FAM149A: variants seen among roughly 807,000 people sequenced by gnomAD.
The protein encoded by FAM149A is family with sequence similarity 149 member A, also known as protein FAM149A.
Under a neutral mutation model 78.2 loss-of-function variants are expected in FAM149A, and 71 were observed. That is an observed-to-expected ratio of 0.91 (90% CI 0.75 to 1.11). The LOEUF is 1.11. FAM149A is among the 50% of genes least tolerant of loss of function. FAM149A has a pLI of 0.00. For missense variants in FAM149A, 1,036 were observed against 971.0 expected (o/e 1.07, Z -0.89); for synonymous variants, 446 against 410.5 (o/e 1.09, Z -1.04).
chr4:186,122,397 T>G (rs1014612048), intron 1 of FAM149A, among the ~76,000 whole-genome samples: 5 of 152,194 alleles, frequency 3.3e-5, no homozygotes, highest in African/African-American at 1.2e-4. Flanking sequence ...AAGAGAATAT[T>G]GGAGTGAGTA....
Position 186,104,890 on chromosome 4 carries a change from G to A in FAM149A, c.-187G>A, listed in dbSNP as rs559925250. ...GCCGGGGCGCTCGGCGGACGGACCC[G>A]GGCCGGGGAAGGGCGACCCCAGCGG... On this transcript the variant is annotated 5_prime_UTR_variant, in exon 1 of 14. Transcript: ENST00000389354. 2.4e-5 allele frequency: 22 copies of A among 900,498 alleles called. No homozygotes were observed. The Admixed American group carries it at 4.9e-4, about 20-fold the overall frequency. The allele number at this position is 900,498 out of a possible 1,614,324, so 55.8% of individuals were successfully genotyped here.
chr4:186,120,940 G>A (rs1219116156), intron 1 of FAM149A, among the ~76,000 whole-genome samples: 5 of 124,606 alleles, frequency 4.0e-5, no homozygotes, highest in Non-Finnish European at 6.3e-5. Context: ...TGCAAGCTCC[G>A]CCTCCCGGAT....
intron 1 of FAM149A, chr4:186,116,396 A>G: frequency 1.1e-5 from 10 of 914,272 alleles, no homozygotes; most frequent in Non-Finnish European, 1.3e-5. Flanking sequence ...AGCTGTTCCT[A>G]TTTGGCCATC....
At chr4:186,138,520 C>T (rs1414707824) in intron 1 of FAM149A, among the ~76,000 whole-genome samples, 1 of 152,172 alleles carries the variant, frequency 6.6e-6, no homozygotes, top group African/African-American at 2.4e-5. Flanking sequence ...TCCCCAGTGC[C>T]CTTCCTCTCC....
chr4:186,112,250 T>C (rs1023621838), intron 1 of FAM149A, among the ~76,000 whole-genome samples: 2 of 151,316 alleles, frequency 1.3e-5, no homozygotes, highest in African/African-American at 4.9e-5. Context: ...TGATTTTGTA[T>C]CCTGAGACTT....
chr4:186,135,328 T>G (rs1036279918), intron 1 of FAM149A, among the ~76,000 whole-genome samples: 1 of 152,182 alleles, frequency 6.6e-6, no homozygotes, highest in Admixed American at 6.5e-5. Context: ...TCTTGAAATT[T>G]AGTAAGAGAT....
Position 186,105,113 on chromosome 4 carries a change from G to C in FAM149A, c.37G>C (p.Ala13Pro). ...TGTGCTGGACCTTGGGTCTCTCTTG[G>C]CCAAACTCTTCGAGACCTCGACGGC... The change falls in exon 1 of 14, where the codon GCC becomes CCC. Residue 13 changes from alanine (A) to proline (P), a missense_variant. Physicochemically the swap from Ala to Pro is conservative, Grantham distance 27. Coordinates refer to ENST00000389354, the MANE Select transcript of FAM149A (RefSeq NM_001367768.3). The C allele has an allele frequency of 7.8e-7, 1 of 1,281,726 alleles. No individual in the cohort carries two copies. The allele number at this position is 1,281,726 out of a possible 1,614,324, so 79.4% of individuals were successfully genotyped here.
chr4:186,108,685 C>G lies in FAM149A; in HGVS notation c.566+3043C>G, dbSNP rs150891440. Among the ~76,000 whole-genome samples, 267 of 152,122 alleles carry G rather than the reference C, an allele frequency of 1.8e-3. 1 individual carries two copies. The highest frequency in any genetic ancestry group is 0.01 in the Middle Eastern group (3 of 294). ...CCTCACTTTCCTGCATCCCTGGATACGTGATCCAACACCTTTGATCTTCAC... is the reference window on the plus strand; with the variant it reads ...CCTCACTTTCCTGCATCCCTGGATAGGTGATCCAACACCTTTGATCTTCAC... On this transcript the variant is annotated intron_variant, in intron 1 of 13. Coordinates refer to ENST00000389354, the MANE Select transcript of FAM149A (RefSeq NM_001367768.3).
rs367889202 is a variant in FAM149A at position 186,153,747 on chromosome 4, C to T, written c.1035C>T (p.Cys345=). ...TCCACAGACCCCCGCTCAGTGCCTG[C>T]GGACACAGCAGCAACATCAGAGAGT... Residue 345 remains cysteine (C), a synonymous_variant, in exon 5 of 14, where the codon TGC becomes TGT. Transcript: ENST00000389354. The T allele has an allele frequency of 6.8e-6, 11 of 1,610,840 alleles. No individual in the cohort carries two copies. Among genetic ancestry groups the T allele is most frequent in the Admixed American group, 6.7e-5 (4 of 59,944 alleles).
intron 1 of FAM149A, among the ~76,000 whole-genome samples, chr4:186,139,970 T>G (rs1397645402): frequency 2.6e-5 from 4 of 151,884 alleles, no homozygotes. Flanking sequence ...GGTTTAATAC[T>G]CCACCTAACA....
At position 186,134,252 on chromosome 4, in the gene FAM149A, G is replaced by A. The variant is rs550558645; in HGVS notation, c.567-14921G>A. ...GCATCGTGCGATGCTGTTGAAGATA[G>A]ACACATCCCAGCCTCAGAGATTAAA... On this transcript the variant is annotated intron_variant, in intron 1 of 13. Coordinates refer to ENST00000389354, the MANE Select transcript of FAM149A (RefSeq NM_001367768.3). 3.9e-5 allele frequency among the ~76,000 whole-genome samples: 6 copies of A among 152,296 alleles called. No homozygotes were observed. In the East Asian group the frequency reaches 1.2e-3, roughly 29 times the overall value.
intron 11 of FAM149A, among the ~76,000 whole-genome samples, 199 bp downstream of exon 11, chr4:186,165,663 G>A (rs1303068515): frequency 2.0e-5 from 3 of 152,178 alleles, no homozygotes; most frequent in East Asian, 1.9e-4. Context: ...TTAATTCACC[G>A]TTTTGTGAAA....
intron 1 of FAM149A, among the ~76,000 whole-genome samples, chr4:186,148,861 A>G (rs982154123): frequency 2.0e-5 from 3 of 152,134 alleles, no homozygotes; most frequent in African/African-American, 7.2e-5. Flanking sequence ...GTTTGGGGCA[A>G]CTTTTCCTTC....
chr4:186,152,745 C>T (rs1579889010), intron 4 of FAM149A, among the ~76,000 whole-genome samples: 1 of 151,646 alleles, frequency 6.6e-6, no homozygotes. Flanking sequence ...GGGGTTTCAC[C>T]GTGTTAGCCA....
intron 1 of FAM149A, chr4:186,126,095 G>C: frequency 2.0e-6 from 2 of 985,250 alleles, no homozygotes; most frequent in South Asian, 9.4e-5. Flanking sequence ...TCCAATATTT[G>C]AAAATTATTT....
Position 186,130,263 on chromosome 4 carries a change from ATCTCTCTCTC to A in FAM149A, c.567-18888_567-18879del, listed in dbSNP as rs150724097. On this transcript the variant is annotated intron_variant, in intron 1 of 13. Coordinates refer to ENST00000389354, the MANE Select transcript of FAM149A (RefSeq NM_001367768.3). ...GGAATCTAAAATTGGACTTTATGAA[ATCTCTCTCTC>A]TCTCTCTCTCTCTCTCTCTCTATAT... is the stretch of plus-strand genomic sequence containing the variant. The A allele has an allele frequency of 4.5e-5, 3 of 67,112 alleles. No individual in the cohort carries two copies. In the South Asian group the frequency reaches 2.2e-3, roughly 49 times the overall value. The allele number at this position is 67,112 out of a possible 1,614,324, so 4.2% of individuals were successfully genotyped here. A position where few individuals can be genotyped will look rare whatever the true frequency, so the allele number is the denominator to read the frequency against.
At chr4:186,124,175 C>T in intron 1 of FAM149A, 1 of 985,154 alleles carries the variant, frequency 1.0e-6, no homozygotes, top group Non-Finnish European at 1.2e-6. Context: ...GTAGGAAATG[C>T]AAAGGCACTA....
intron 8 of FAM149A, among the ~76,000 whole-genome samples, chr4:186,160,613 A>G (rs1287347194): frequency 6.8e-6 from 1 of 148,038 alleles, no homozygotes; most frequent in African/African-American, 2.5e-5. Flanking sequence ...CACCACATGC[A>G]TACACAACCC....
intron 1 of FAM149A, among the ~76,000 whole-genome samples, chr4:186,120,398 T>C (rs1349058844): frequency 6.6e-6 from 1 of 152,188 alleles, no homozygotes; most frequent in Admixed American, 6.5e-5. Flanking sequence ...TGAATTAAGA[T>C]AGTAATGAGG....
Sources: allele counts gnomAD v4.1 joint callset (sites outside exome capture counted in the v4.1 genomes callset), GRCh38; gene constraint gnomAD v4.1.1; transcripts MANE v1.5; gene names NCBI Gene and HGNC (gene_info 2026-07-23, HGNC 2026-07-21).